CDH22: variants seen among roughly 807,000 people sequenced by gnomAD.
CDH22 encodes cadherin 22.
Under a neutral mutation model 58.4 loss-of-function variants are expected in CDH22, and 30 were observed. That is an observed-to-expected ratio of 0.51 (90% confidence interval 0.38 to 0.70). CDH22 has a LOEUF of 0.70. Among genes scored for constraint, CDH22 ranks in the 30% least tolerant of loss-of-function variants. The pLI, the probability that CDH22 is intolerant of heterozygous loss-of-function variation, is 0.00. For synonymous variants in CDH22, 513 were observed against 558.2 expected, an observed-to-expected ratio of 0.92 and a Z score of 1.14; for missense variants, 1,014 against 1,233.9, an observed-to-expected ratio of 0.82 and a Z score of 2.67.
intron 8 of CDH22, among the ~76,000 whole-genome samples, chr20:46,189,542 C>T (rs1800500105): frequency 2.6e-5 from 4 of 152,156 alleles, no homozygotes. Flanking sequence ...GTCGAAGGTA[C>T]AGCAGGATGG....
chr20:46,199,354 G>A, intron 8 of CDH22, 69 bp downstream of exon 8: 3 of 1,548,578 alleles, frequency 1.9e-6, no homozygotes, highest in East Asian at 2.3e-5. Context: ...CCAGCCCTTG[G>A]CCCCTCCCTT....
At chr20:46,208,487 C>T (rs1490009682) in intron 7 of CDH22, among the ~76,000 whole-genome samples, 2 of 152,064 alleles carry the variant, frequency 1.3e-5, no homozygotes, top group Non-Finnish European at 2.9e-5. Flanking sequence ...GCTTTTCTTT[C>T]TCTCCAGTCT....
chr20:46,220,661 C>T (rs2086117232), intron 4 of CDH22: 1 of 152,366 alleles, frequency 6.6e-6, no homozygotes, highest in African/African-American at 2.4e-5. Flanking sequence ...AGGGGCCTGG[C>T]TCCACCTCTG....
chr20:46,308,405 C>T lies in CDH22; in HGVS notation c.-550G>A. On this transcript the variant is annotated 5_prime_UTR_variant, in exon 1 of 12. Transcript: ENST00000537909. This position sits in a 1 kb window ranked among gnomAD's most constrained non-coding sequence, Gnocchi z 4.3. ...GCGGGAGCGAGAGGGGGAGCCGCGG[C>T]GGCGTGTGCGCGCGTGTGTGTGAGC... The T allele has an allele frequency of 4.8e-6, 1 of 208,662 alleles. No individual in the cohort carries two copies. Among genetic ancestry groups the T allele is most frequent in the East Asian group, 9.0e-5 (1 of 11,100 alleles). 12.9% of individuals were successfully genotyped at this position (208,662 alleles called of 1,614,324 possible). A position where few individuals can be genotyped will look rare whatever the true frequency, so the allele number is the denominator to read the frequency against.
chr20:46,191,728 C>T (rs34010286), intron 8 of CDH22, among the ~76,000 whole-genome samples: 7,092 of 152,202 alleles, frequency 0.047, 442 homozygotes, highest in East Asian at 0.33. Context: ...AGTTTTTAAC[C>T]ACCACATGAT....
rs867723309 is a variant in CDH22 at position 46,210,252 on chromosome 20, G to A, written c.1286+55C>T. 8.2e-5 allele frequency: 111 copies of A among 1,359,012 alleles called. No individual in the cohort carries two copies. In the Middle Eastern group the frequency reaches 2.7e-3, roughly 33 times the overall value. 84.2% of individuals were successfully genotyped at this position (1,359,012 alleles called of 1,614,324 possible). A position where few individuals can be genotyped will look rare whatever the true frequency, so the allele number is the denominator to read the frequency against. On this transcript the variant is annotated intron_variant, in intron 7 of 11. Coordinates refer to ENST00000537909, the MANE Select transcript of CDH22 (RefSeq NM_021248.3). The surrounding 1 kb of genome is among the most constrained non-coding windows in gnomAD (Gnocchi z 4.5). ...TCCCCTCTGCCCGCAGTCTGTCCGC[G>A]GGGGTGATGGCGGGATAGCAGGCAG... is the stretch of plus-strand genomic sequence containing the variant.
At chr20:46,250,999 A>T in intron 2 of CDH22, 41 bp downstream of exon 2, 1 of 1,284,804 alleles carries the variant, frequency 7.8e-7, no homozygotes, top group Non-Finnish European at 1.1e-6. Context: ...GGGTGTCCCC[A>T]GGGTCCTGGG....
Position 46,308,377 on chromosome 20 carries a change from A to G in CDH22, c.-522T>C. The G allele has an allele frequency of 5.2e-6, 1 of 192,466 alleles. No homozygotes were observed. Among genetic ancestry groups the G allele is most frequent in the Non-Finnish European group, 1.1e-5 (1 of 93,074 alleles). 11.9% of individuals were successfully genotyped at this position (192,466 alleles called of 1,614,324 possible). ...GCGGCCGCCCGCAGGAGCCGGAGGG[A>G]GAGCGGGAGCGAGAGGGGGAGCCGC... On this transcript the variant is annotated 5_prime_UTR_variant, in exon 1 of 12. Coordinates refer to ENST00000537909, the MANE Select transcript of CDH22 (RefSeq NM_021248.3). This position sits in a 1 kb window ranked among gnomAD's most constrained non-coding sequence, Gnocchi z 4.3.
chr20:46,282,337 A>C (rs2086554726), intron 1 of CDH22, among the ~76,000 whole-genome samples: 1 of 152,088 alleles, frequency 6.6e-6, no homozygotes, highest in South Asian at 2.1e-4. Flanking sequence ...CTCTACACAC[A>C]GTGGGTGGAG....
At chr20:46,287,994 C>G (rs1244176273) in intron 1 of CDH22, among the ~76,000 whole-genome samples, 1 of 152,094 alleles carries the variant, frequency 6.6e-6, no homozygotes, top group Non-Finnish European at 1.5e-5. Flanking sequence ...AGGAATGCTA[C>G]GGGGAGCTGC....
rs561892716 is a variant in CDH22, at chr20:46,285,513, A to C, written c.-400+22742T>G. Among the ~76,000 whole-genome samples the C allele has an allele frequency of 9.2e-5, 14 of 152,336 alleles. No homozygotes were observed. In the South Asian group the frequency reaches 2.9e-3, roughly 32 times the overall value. Reference sequence around the variant, plus strand: ...GGGCAGGAATGTTGCTAAACATTCCAAAGTGCCCAGGACACCTTCCCCCCA... The same window carrying C: ...GGGCAGGAATGTTGCTAAACATTCCCAAGTGCCCAGGACACCTTCCCCCCA... On this transcript the variant is annotated intron_variant, in intron 1 of 11. Transcript: ENST00000537909.
Position 46,213,157 on chromosome 20 carries a change from G to A in CDH22, c.870C>T (p.Ala290=). The A allele has an allele frequency of 6.2e-7, 1 of 1,614,196 alleles. No individual in the cohort carries two copies. Among genetic ancestry groups the A allele is most frequent in the Non-Finnish European group, 8.5e-7 (1 of 1,180,026 alleles). ...CACGTCCCACAGCCGTTCCAATGGG[G>A]GCTGACTCCTGGATGCTGAACTGGT... The part of the protein sequence containing the change: ...KMYQFSIQES[A]PIGTAVGRVK... Residue 290 remains alanine, a synonymous_variant, in exon 6 of 12, where the codon GCC becomes GCT. Transcript: ENST00000537909.
At chr20:46,195,865 T>C (rs113389586) in intron 8 of CDH22, among the ~76,000 whole-genome samples, 148 of 152,244 alleles carry the variant, frequency 9.7e-4, no homozygotes, top group African/African-American at 3.2e-3. Context: ...TGACAGGCGG[T>C]GGCTCCTGGC....
rs1176777725 is a variant in CDH22 at position 46,251,204 on chromosome 20, T to G, written c.91A>C (p.Thr31Pro). Residue 31 changes from threonine to proline, a missense_variant, in exon 2 of 12, where the codon ACG becomes CCG. Coordinates refer to ENST00000537909, the MANE Select transcript of CDH22 (RefSeq NM_021248.3). This position sits in a 1 kb window ranked among gnomAD's most constrained non-coding sequence, Gnocchi z 6.7. The part of the protein sequence containing the change: ...LLLLLLPPPP[T>P]LLGRLWAAGT... The stretch of plus-strand genomic sequence containing the variant: ...GCTGCCCACAGGCGCCCCAGCAGCG[T>G]CGGCGGCGGCGGCAGCAGCAGCAGC... The G allele has an allele frequency of 2.0e-6, 3 of 1,469,164 alleles. No homozygotes were observed. Among genetic ancestry groups the G allele is most frequent in the Admixed American group, 2.7e-5 (1 of 36,412 alleles). The allele number at this position is 1,469,164 out of a possible 1,614,324, so 91.0% of individuals were successfully genotyped here. A position where few individuals can be genotyped will look rare whatever the true frequency, so the allele number is the denominator to read the frequency against.
chr20:46,263,014 C>G (rs575784216), intron 1 of CDH22, among the ~76,000 whole-genome samples: 1 of 152,340 alleles, frequency 6.6e-6, no homozygotes, highest in East Asian at 1.9e-4. Flanking sequence ...AGCCTCCTCC[C>G]CTGACCCTGG....
At chr20:46,211,610 G>A (rs182827537) in intron 6 of CDH22, among the ~76,000 whole-genome samples, 12 of 152,254 alleles carry the variant, frequency 7.9e-5, no homozygotes, top group Admixed American at 2.6e-4. Context: ...AGCTGGGGGT[G>A]GGGGAGATTA....
At chr20:46,272,188 G>T (rs111665864) in intron 1 of CDH22, among the ~76,000 whole-genome samples, 1 of 152,074 alleles carries the variant, frequency 6.6e-6, no homozygotes, top group African/African-American at 2.4e-5. Context: ...TTCTAATTCC[G>T]TCCAGAAGTT....
intron 7 of CDH22, among the ~76,000 whole-genome samples, chr20:46,202,756 T>A (rs2085971219): frequency 6.6e-6 from 1 of 152,110 alleles, no homozygotes; most frequent in Admixed American, 6.5e-5. Context: ...CCTGGCCCCA[T>A]CAGATATCTG....
chr20:46,268,294 C>T (rs1465578355), intron 1 of CDH22, among the ~76,000 whole-genome samples: 3 of 152,242 alleles, frequency 2.0e-5, no homozygotes, highest in Non-Finnish European at 4.4e-5. Context: ...GAGGGTCTGT[C>T]GCTTGCTGTG....
Sources: gnomAD v4.1 joint callset for allele counts (sites outside exome capture counted in the v4.1 genomes callset) on GRCh38, gnomAD v4.1.1 for gene constraint, Gnocchi (gnomAD v3.1) non-coding constraint, MANE v1.5 for transcripts, NCBI Gene and HGNC (gene_info 2026-07-23, HGNC 2026-07-21) for gene names.